Variants in GPBP1 observed in about 807,000 individuals in gnomAD.
GPBP1 encodes vasculin.
In GPBP1, 13 loss-of-function variants were observed where a neutral mutation model predicts 56.5. The ratio of observed to expected loss-of-function variants is 0.23; its 90% CI spans 0.15 to 0.37. GPBP1 has a LOEUF of 0.37. GPBP1 is among the 10% of genes least tolerant of loss of function. The pLI is 1.00. For missense variants in GPBP1, 477 were observed against 572.3 expected (o/e 0.83, Z 1.70); for synonymous variants, 204 against 188.9 (o/e 1.08, Z -0.66).
At chr5:57,196,055 T>G (rs1035173487) in intron 2 of GPBP1, among the ~76,000 whole-genome samples, 1 of 150,052 alleles carries the variant, frequency 6.7e-6, no homozygotes, top group Non-Finnish European at 1.5e-5. Flanking sequence ...GTCAATATGA[T>G]ATCTGCACAT....
At chr5:57,179,700 C>T (rs1238008918) in intron 2 of GPBP1, among the ~76,000 whole-genome samples, 1 of 152,012 alleles carries the variant, frequency 6.6e-6, no homozygotes, top group East Asian at 1.9e-4. Flanking sequence ...CCGGTTCAAG[C>T]GATTCTCCTG....
intron 2 of GPBP1, among the ~76,000 whole-genome samples, chr5:57,209,656 A>G (rs561078889): frequency 2.6e-5 from 4 of 152,166 alleles, no homozygotes; most frequent in South Asian, 2.1e-4. Context: ...AGGTTGAGCA[A>G]GTTTCCTTCT....
chr5:57,201,241 T>C (rs1755008050), intron 2 of GPBP1, among the ~76,000 whole-genome samples: 1 of 152,228 alleles, frequency 6.6e-6, no homozygotes, highest in Non-Finnish European at 1.5e-5. Context: ...TCCTTCTGCC[T>C]CAGCCTCTTG....
intron 2 of GPBP1, among the ~76,000 whole-genome samples, chr5:57,191,710 C>T (rs1184103527): frequency 3.9e-5 from 6 of 152,014 alleles, no homozygotes; most frequent in Non-Finnish European, 8.8e-5. Context: ...TACAGATGCG[C>T]ATCACCACAC....
chr5:57,208,269 T>A (rs1243277916), intron 2 of GPBP1, among the ~76,000 whole-genome samples: 2 of 152,180 alleles, frequency 1.3e-5, no homozygotes, highest in African/African-American at 4.8e-5. Context: ...AGTCTCATTT[T>A]GTTGCTCAGG....
At chr5:57,251,690 G>T (rs6898078) in intron 10 of GPBP1, among the ~76,000 whole-genome samples, 2 of 149,756 alleles carry the variant, frequency 1.3e-5, no homozygotes, top group Admixed American at 6.7e-5. Flanking sequence ...TTTTATTTCT[G>T]TTGGATAGAT....
intron 10 of GPBP1, among the ~76,000 whole-genome samples, chr5:57,254,891 A>G (rs1025226622): frequency 6.6e-6 from 1 of 152,216 alleles, no homozygotes; most frequent in African/African-American, 2.4e-5. Context: ...ATAAATAACC[A>G]CACTATTTTT....
At chr5:57,248,207 G>A (rs1006444135) in intron 8 of GPBP1, among the ~76,000 whole-genome samples, 1 of 152,074 alleles carries the variant, frequency 6.6e-6, no homozygotes, top group African/African-American at 2.4e-5. Flanking sequence ...TGATTGGGGG[G>A]AAAGGAGGAA....
At chr5:57,231,640 C>A (rs1862174) in intron 5 of GPBP1, among the ~76,000 whole-genome samples, 1 of 151,968 alleles carries the variant, frequency 6.6e-6, no homozygotes, top group Non-Finnish European at 1.5e-5. Flanking sequence ...AAAAATTGAC[C>A]CAGTGTACAG....
chr5:57,262,539 A>G lies in GPBP1; in HGVS notation c.1264-55A>G, dbSNP rs921068238. The stretch of plus-strand genomic sequence containing the variant: ...ATTATATTCATGCTTATATTATTAC[A>G]GTAGGTTTGTAACTCTTGAGGGATA... On this transcript the variant is annotated intron_variant, in intron 11 of 11. Transcript: ENST00000506184. 7.3e-5 allele frequency: 93 copies of G among 1,277,192 alleles called. 1 individual carries two copies. The Admixed American group carries it at 1.6e-3, about 22-fold the overall frequency. The allele number at this position is 1,277,192 out of a possible 1,614,324, so 79.1% of individuals were successfully genotyped here.
intron 2 of GPBP1, among the ~76,000 whole-genome samples, chr5:57,213,640 T>A (rs577252812): frequency 5.4e-4 from 82 of 152,314 alleles, no homozygotes; most frequent in African/African-American, 1.9e-3. Context: ...AATTGGTAGT[T>A]AAATCAGATT....
At chr5:57,179,691 C>G (rs898911774) in intron 2 of GPBP1, among the ~76,000 whole-genome samples, 2 of 151,920 alleles carry the variant, frequency 1.3e-5, no homozygotes, top group Non-Finnish European at 2.9e-5. Flanking sequence ...TCTGCCTCCC[C>G]GGTTCAAGCG....
At chr5:57,175,334 G>A (rs1753752513) in intron 1 of GPBP1, 114 bp from the exon 2 acceptor site, 2 of 385,988 alleles carry the variant, frequency 5.2e-6, no homozygotes, top group Non-Finnish European at 9.1e-6. Flanking sequence ...CCAGGCTCCT[G>A]TAGGGTTATA....
intron 2 of GPBP1, among the ~76,000 whole-genome samples, chr5:57,193,636 A>G (rs974176545): frequency 6.7e-6 from 1 of 149,916 alleles, no homozygotes; most frequent in Admixed American, 6.7e-5. Flanking sequence ...AAAAAAAAAA[A>G]CTATGAAAAG....
intron 2 of GPBP1, among the ~76,000 whole-genome samples, chr5:57,184,459 A>G (rs1394179828): frequency 6.6e-6 from 1 of 152,106 alleles, no homozygotes; most frequent in African/African-American, 2.4e-5. Flanking sequence ...CAGGCATGTC[A>G]CATGGCAAGA....
At chr5:57,189,239 C>T (rs1162729028) in intron 2 of GPBP1, among the ~76,000 whole-genome samples, 1 of 152,222 alleles carries the variant, frequency 6.6e-6, no homozygotes, top group Non-Finnish European at 1.5e-5. Context: ...ATGCCTCAGT[C>T]TACTGAGTAG....
chr5:57,238,601 A>G (rs1024467852), intron 6 of GPBP1, among the ~76,000 whole-genome samples: 8 of 152,136 alleles, frequency 5.3e-5, no homozygotes, highest in African/African-American at 1.9e-4. Flanking sequence ...GCTACTGATC[A>G]TGTGTTTTTA....
At position 57,222,048 on chromosome 5, in the gene GPBP1, TTTTG is replaced by T. The variant is rs1399322845; in HGVS notation, c.63+7865_63+7868del. ...TAGTTTTGTTTTTTTGTTTTGTTTT[TTTTG>T]TTTGTTTGTAGAGACAGGGTCTCAC... On this transcript the variant is annotated intron_variant, in intron 3 of 11. Coordinates refer to ENST00000506184, the MANE Select transcript of GPBP1 (RefSeq NM_022913.4). Among the ~76,000 whole-genome samples the T allele has an allele frequency of 2.0e-5, 3 of 152,272 alleles. No individual in the cohort carries two copies. In the East Asian group the frequency reaches 5.8e-4, roughly 29 times the overall value.
intron 2 of GPBP1, among the ~76,000 whole-genome samples, chr5:57,188,948 A>G (rs1158572066): frequency 2.0e-5 from 3 of 152,154 alleles, no homozygotes; most frequent in East Asian, 1.9e-4. Context: ...ATTCATTAAT[A>G]TCCCACTGCT....
Sources: allele counts gnomAD v4.1 joint callset (sites outside exome capture counted in the v4.1 genomes callset), GRCh38; gene constraint gnomAD v4.1.1; transcripts MANE v1.5; gene names NCBI Gene and HGNC (gene_info 2026-07-23, HGNC 2026-07-21).